Variants in MYT1L observed in about 807,000 individuals in gnomAD.
MYT1L encodes the protein myelin transcription factor 1-like protein.
MYT1L carries 12 observed loss-of-function variants against 126.7 expected under a neutral mutation model. The observed-to-expected ratio is 0.09, with a 90% CI of 0.06 to 0.15. The LOEUF (loss-of-function observed/expected upper bound fraction) is 0.15, where lower values mean the gene tolerates loss of function less well. Ranked by LOEUF, MYT1L falls within the 10% of genes least tolerant of loss-of-function variation. The probability of loss-of-function intolerance (pLI) is 1.00; values close to 1 mark genes in which losing one functional copy is unlikely to be tolerated. For synonymous variants in MYT1L, 541 were observed against 604.2 expected, an observed-to-expected ratio of 0.90 and a Z score of 1.53; for missense variants, 979 against 1,585.2, an observed-to-expected ratio of 0.62 and a Z score of 6.49.
At chr2:1,798,440 C>G (rs377189068) in intron 23 of MYT1L, among the ~76,000 whole-genome samples, 2 of 152,242 alleles carry the variant, frequency 1.3e-5, no homozygotes, top group South Asian at 4.1e-4. Flanking sequence ...TTCTTTCCTC[C>G]GCTCCCATTC....
intron 3 of MYT1L, among the ~76,000 whole-genome samples, chr2:2,089,584 A>AG (rs762433219): frequency 1.3e-5 from 2 of 152,338 alleles, no homozygotes; most frequent in East Asian, 1.9e-4. Context: ...ACATCAGCAG[A>AG]GATTCAGAAA....
In MYT1L at chr2:2,224,494, C is replaced by T. The variant is rs2093959179; in HGVS notation, c.-420-51506G>A. Among the ~76,000 whole-genome samples, 1 of 152,114 alleles carries T rather than the reference C, an allele frequency of 6.6e-6. No individual in the cohort carries two copies. The highest frequency in any genetic ancestry group is 1.5e-5 in the Non-Finnish European group (1 of 68,030). Reference sequence around the variant, plus strand: ...TAGATTAGGTTCAGCCTCATCGCACCCCATGCCATAACTATTTTTCCCATT... The same window carrying T: ...TAGATTAGGTTCAGCCTCATCGCACTCCATGCCATAACTATTTTTCCCATT... On this transcript the variant is annotated intron_variant, in intron 2 of 24. Transcript: ENST00000647738. This position sits in a 1 kb window ranked among gnomAD's most constrained non-coding sequence, Gnocchi z 4.0.
At chr2:1,939,227 T>G (rs1269008455) in intron 9 of MYT1L, among the ~76,000 whole-genome samples, 3 of 152,146 alleles carry the variant, frequency 2.0e-5, no homozygotes, top group Non-Finnish European at 2.9e-5. Flanking sequence ...TAATCTCAGG[T>G]CTCGTCTGTG....
chr2:2,266,011 C>G (rs569523375), intron 2 of MYT1L, among the ~76,000 whole-genome samples: 1 of 152,242 alleles, frequency 6.6e-6, no homozygotes, highest in East Asian at 1.9e-4. Context: ...GCTCCGGGTG[C>G]AGGTCTGCGG....
intron 4 of MYT1L, among the ~76,000 whole-genome samples, chr2:2,004,775 C>A (rs1027818534): frequency 6.7e-6 from 1 of 148,778 alleles, no homozygotes; most frequent in South Asian, 2.1e-4. Context: ...TACGTTCTTT[C>A]CTGCAGGCAT....
intron 9 of MYT1L, among the ~76,000 whole-genome samples, chr2:1,939,679 G>A (rs1190834576): frequency 6.6e-6 from 1 of 152,228 alleles, no homozygotes. Context: ...GTAACTAGGA[G>A]TTTGATCACG....
intron 9 of MYT1L, among the ~76,000 whole-genome samples, chr2:1,932,816 G>A (rs948975205): frequency 7.2e-5 from 11 of 152,182 alleles, no homozygotes; most frequent in African/African-American, 2.4e-4. Flanking sequence ...GTGGAGCCAC[G>A]TGCTGGTGGA....
chr2:2,169,590 CT>C (rs1440890315), intron 3 of MYT1L, among the ~76,000 whole-genome samples: 1 of 152,140 alleles, frequency 6.6e-6, no homozygotes, highest in African/African-American at 2.4e-5. Flanking sequence ...GGAAATCGTT[CT>C]CTTTTGTGTT....
intron 21 of MYT1L, among the ~76,000 whole-genome samples, chr2:1,814,070 C>T (rs543593310): frequency 1.9e-4 from 29 of 151,492 alleles, no homozygotes; most frequent in Non-Finnish European, 3.8e-4. Flanking sequence ...TCCATGAAAC[C>T]GGTCCCTTGT....
At chr2:2,298,653 T>C (rs2095736305) in intron 1 of MYT1L, among the ~76,000 whole-genome samples, 1 of 152,176 alleles carries the variant, frequency 6.6e-6, no homozygotes, top group Non-Finnish European at 1.5e-5. Flanking sequence ...AGATAATCTG[T>C]ATTCAGGGGA....
intron 8 of MYT1L, among the ~76,000 whole-genome samples, chr2:1,966,439 T>C (rs1297345854): frequency 2.0e-5 from 3 of 152,222 alleles, no homozygotes; most frequent in African/African-American, 7.2e-5. Context: ...GGGACATCCT[T>C]TGATTCCATT....
chr2:1,891,902 T>C, intron 15 of MYT1L, 135 bp downstream of exon 15: 3 of 1,397,188 alleles, frequency 2.1e-6, no homozygotes, highest in Non-Finnish European at 1.9e-6. Flanking sequence ...TTGTTCACAG[T>C]GGCGAGAATG....
At chr2:2,049,507 T>C (rs921677466) in intron 4 of MYT1L, among the ~76,000 whole-genome samples, 2 of 152,226 alleles carry the variant, frequency 1.3e-5, no homozygotes, top group African/African-American at 4.8e-5. Context: ...GTTAGACAAA[T>C]TATTTAACTT....
intron 4 of MYT1L, among the ~76,000 whole-genome samples, chr2:2,036,470 C>G (rs927104175): frequency 6.0e-5 from 9 of 151,260 alleles, no homozygotes; most frequent in African/African-American, 2.2e-4. Context: ...CCCTCCAATG[C>G]GGGTGCAGAA....
chr2:2,293,470 C>T (rs546496001), intron 1 of MYT1L, among the ~76,000 whole-genome samples: 3 of 152,266 alleles, frequency 2.0e-5, no homozygotes, highest in African/African-American at 7.2e-5. Context: ...AGGAGCAGGG[C>T]GTGGAGGGTG....
intron 3 of MYT1L, among the ~76,000 whole-genome samples, chr2:2,083,899 C>A (rs899017120): frequency 5.4e-5 from 8 of 148,920 alleles, no homozygotes; most frequent in African/African-American, 2.0e-4. Context: ...GTGCTGATGA[C>A]TTTCTATACT....
chr2:1,943,204 C>T lies in MYT1L; in HGVS notation c.283G>A (p.Gly95Arg), dbSNP rs781480935. The change falls in exon 9 of 25, where the codon GGG (glycine) becomes AGG (arginine). Residue 95 changes from glycine to arginine, a missense_variant. Transcript: ENST00000647738. This position sits in a 1 kb window ranked among gnomAD's most constrained non-coding sequence, Gnocchi z 4.4. ...SSVDECDDSD[G>R]TEDMDEKEED... ...TCCTTCTCATCCATGTCCTCAGTCC[C>T]ATCACTGTCGTCACACTCATCCACT... 1 of 1,552,134 alleles carries T rather than the reference C, an allele frequency of 6.4e-7. No individual in the cohort carries two copies. Among genetic ancestry groups the T allele is most frequent in the Middle Eastern group, 1.7e-4 (1 of 5,994 alleles).
chr2:1,871,089 G>A (rs1391811942), intron 18 of MYT1L, among the ~76,000 whole-genome samples: 1 of 152,252 alleles, frequency 6.6e-6, no homozygotes, highest in Non-Finnish European at 1.5e-5. Context: ...AAGCTGAGGA[G>A]GGGCAGCTGG....
At chr2:1,930,525 C>T (rs1267126549) in intron 9 of MYT1L, among the ~76,000 whole-genome samples, 1 of 152,238 alleles carries the variant, frequency 6.6e-6, no homozygotes, top group African/African-American at 2.4e-5. Flanking sequence ...GAGGTACCCA[C>T]ATCAGATCCT....
Sources: gnomAD v4.1 joint callset for allele counts (sites outside exome capture counted in the v4.1 genomes callset) on GRCh38, gnomAD v4.1.1 for gene constraint, Gnocchi (gnomAD v3.1) non-coding constraint, MANE v1.5 for transcripts, NCBI Gene and HGNC (gene_info 2026-07-23, HGNC 2026-07-21) for gene names.